ADAMTS17: variants seen among roughly 807,000 people sequenced by gnomAD.
The protein encoded by ADAMTS17 is A disintegrin and metalloproteinase with thrombospondin motifs 17.
In ADAMTS17, 113 loss-of-function variants were observed where a neutral mutation model predicts 141.5. That is an observed-to-expected ratio of 0.80 (90% confidence interval 0.69 to 0.93). The LOEUF (loss-of-function observed/expected upper bound fraction) is 0.93. ADAMTS17 is among the 40% of genes least tolerant of loss of function. ADAMTS17 has a pLI of 0.00. For missense variants in ADAMTS17, 1,659 were observed against 1,517.9 expected (o/e 1.09, Z -1.54); for synonymous variants, 768 against 630.6 (o/e 1.22, Z -3.27).
rs576215467 is a variant in ADAMTS17 at position 100,124,404 on chromosome 15, G to C, written c.1722-7391C>G. The stretch of plus-strand genomic sequence containing the variant: ...TTCGGCCTCACTGTTGATGAGGAAA[G>C]TACCAATTCCCCAGCCAGATACTGC... On this transcript the variant is annotated intron_variant, in intron 12 of 21. Coordinates refer to ENST00000268070, the MANE Select transcript of ADAMTS17 (RefSeq NM_139057.4). Among the ~76,000 whole-genome samples the C allele has an allele frequency of 1.2e-4, 19 of 152,368 alleles. No individual in the cohort carries two copies. In the East Asian group the frequency reaches 2.7e-3, roughly 22 times the overall value.
chr15:100,119,480 G>C (rs1376028856), intron 12 of ADAMTS17, among the ~76,000 whole-genome samples: 1 of 152,210 alleles, frequency 6.6e-6, no homozygotes, highest in African/African-American at 2.4e-5. Context: ...TCTGATTGGT[G>C]AACATCATGT....
At chr15:100,142,252 T>C (rs1325871831) in intron 10 of ADAMTS17, among the ~76,000 whole-genome samples, 1 of 152,182 alleles carries the variant, frequency 6.6e-6, no homozygotes. Context: ...AGCATCTCTC[T>C]AGCCATCAGA....
chr15:100,341,554 G>T, intron 1 of ADAMTS17, 145 bp from the exon 2 acceptor site: 1 of 868,740 alleles, frequency 1.2e-6, no homozygotes, highest in African/African-American at 1.8e-5. Context: ...CCTCCACGCT[G>T]GCCCGCGCCA....
At chr15:100,310,859 C>T (rs1426013926) in intron 3 of ADAMTS17, among the ~76,000 whole-genome samples, 1 of 152,204 alleles carries the variant, frequency 6.6e-6, no homozygotes, top group Non-Finnish European at 1.5e-5. Context: ...TGTGCAACCC[C>T]ATACAGGTTC....
intron 16 of ADAMTS17, among the ~76,000 whole-genome samples, chr15:100,053,614 G>A (rs2032314539): frequency 6.6e-6 from 1 of 152,188 alleles, no homozygotes; most frequent in South Asian, 2.1e-4. Flanking sequence ...ACGTGGCTAA[G>A]CATTTCCTTC....
At chr15:100,186,603 G>A (rs1444450050) in intron 8 of ADAMTS17, among the ~76,000 whole-genome samples, 1 of 152,190 alleles carries the variant, frequency 6.6e-6, no homozygotes, top group Non-Finnish European at 1.5e-5. Context: ...GGGCAGGCAG[G>A]AAGCAACTCT....
chr15:100,296,595 G>GTGTGTGTGTGTGTGTGTGTGTA (rs1315811758), intron 3 of ADAMTS17, among the ~76,000 whole-genome samples: 1 of 152,054 alleles, frequency 6.6e-6, no homozygotes, highest in East Asian at 1.9e-4. Context: ...GTGTGTGTGT[G>GTGTGTGTGTGTGTGTGTGTGTA]TGTGTGTGTA....
rs968772809 is a variant in ADAMTS17 at position 99,997,005 on chromosome 15, A to G, written c.2796+380T>C. On this transcript the variant is annotated intron_variant, in intron 19 of 21. Transcript: ENST00000268070. This position sits in a 1 kb window ranked among gnomAD's most constrained non-coding sequence, Gnocchi z 4.7. ...CTGGCATCTGACTCTCGTAATCTACAAAGACTGCTGGGGGATTAAAGGCAA... is the reference window on the plus strand; with the variant it reads ...CTGGCATCTGACTCTCGTAATCTACGAAGACTGCTGGGGGATTAAAGGCAA... 6.6e-6 allele frequency among the ~76,000 whole-genome samples: 1 copy of G among 152,202 alleles called. No individual in the cohort carries two copies. Among genetic ancestry groups the G allele is most frequent in the Non-Finnish European group, 1.5e-5 (1 of 68,030 alleles).
chr15:100,248,652 T>C (rs1018892739), intron 7 of ADAMTS17, among the ~76,000 whole-genome samples: 2 of 152,210 alleles, frequency 1.3e-5, no homozygotes, highest in East Asian at 1.9e-4. Context: ...TGGTGGCTTG[T>C]TCCAGATCCT....
intron 15 of ADAMTS17, among the ~76,000 whole-genome samples, chr15:100,094,257 G>A (rs1184138278): frequency 1.3e-5 from 2 of 152,272 alleles, no homozygotes; most frequent in Admixed American, 1.3e-4. Context: ...GCAAGCCAGG[G>A]TGGGAGCAGC....
At chr15:100,129,743 CAA>C (rs34727892) in intron 12 of ADAMTS17, 20 of 144,740 alleles carry the variant, frequency 1.4e-4, no homozygotes, top group Non-Finnish European at 2.4e-4. Flanking sequence ...AACTCCGTCT[CAA>C]AAAAAAAAAA....
chr15:100,297,700 A>G (rs2044873178), intron 3 of ADAMTS17, among the ~76,000 whole-genome samples: 1 of 152,134 alleles, frequency 6.6e-6, no homozygotes, highest in Admixed American at 6.5e-5. Flanking sequence ...CCAGGTGGAG[A>G]TGTCAGGCTG....
At chr15:100,103,000 T>C (rs1283275784) in intron 14 of ADAMTS17, among the ~76,000 whole-genome samples, 2 of 152,214 alleles carry the variant, frequency 1.3e-5, no homozygotes, top group African/African-American at 2.4e-5. Context: ...GCTTTGTTCC[T>C]GCATGACACT....
intron 18 of ADAMTS17, among the ~76,000 whole-genome samples, chr15:100,004,588 G>A (rs1384873356): frequency 6.7e-6 from 1 of 150,144 alleles, no homozygotes; most frequent in Admixed American, 6.6e-5. Flanking sequence ...TGAGGTAGCT[G>A]CTCTTCTTAA....
chr15:100,061,918 A>T (rs2033152374), intron 15 of ADAMTS17, among the ~76,000 whole-genome samples: 1 of 152,256 alleles, frequency 6.6e-6, no homozygotes, highest in Non-Finnish European at 1.5e-5. Flanking sequence ...GGGGAAGGGT[A>T]ACTTTTTGGC....
At chr15:100,261,686 A>G (rs2043524135) in intron 5 of ADAMTS17, 50 bp from the exon 6 acceptor site, 4 of 1,582,606 alleles carry the variant, frequency 2.5e-6, no homozygotes, top group African/African-American at 2.7e-5. Flanking sequence ...GGGAGGCCAG[A>G]GTTTATTTCC....
chr15:99,985,071 C>T (rs1179982677), intron 20 of ADAMTS17, among the ~76,000 whole-genome samples: 2 of 152,256 alleles, frequency 1.3e-5, no homozygotes, highest in Non-Finnish European at 2.9e-5. Context: ...AGCAAGCTCA[C>T]TGCTCTCATG....
chr15:100,271,370 G>A (rs7167064), intron 4 of ADAMTS17, among the ~76,000 whole-genome samples: 47,638 of 151,858 alleles, frequency 0.31, 7,804 homozygotes, highest in South Asian at 0.47. Flanking sequence ...CCATTTTTCC[G>A]CATCACTGTC....
At chr15:100,239,966 C>A (rs1259626609) in intron 7 of ADAMTS17, among the ~76,000 whole-genome samples, 1 of 152,166 alleles carries the variant, frequency 6.6e-6, no homozygotes, top group Non-Finnish European at 1.5e-5. Context: ...TGATGTCCTG[C>A]TACCAGATGT....
Sources: gnomAD v4.1 joint callset for allele counts (sites outside exome capture counted in the v4.1 genomes callset) on GRCh38, gnomAD v4.1.1 for gene constraint, Gnocchi (gnomAD v3.1) non-coding constraint, MANE v1.5 for transcripts, NCBI Gene and HGNC (gene_info 2026-07-23, HGNC 2026-07-21) for gene names.